Variants in SPEG observed in about 807,000 individuals in gnomAD.
The protein encoded by SPEG is striated muscle preferentially expressed protein kinase.
In SPEG, 114 loss-of-function variants were observed where a neutral mutation model predicts 300.4. That is an observed-to-expected ratio of 0.38 (90% CI 0.33 to 0.44). SPEG has a LOEUF of 0.44. SPEG is among the 20% of genes least tolerant of loss of function. The pLI is 1.00. For missense variants in SPEG, 4,201 were observed against 4,586.2 expected, an observed-to-expected ratio of 0.92 and a Z score of 2.43; for synonymous variants, 1,964 against 2,018.9, an observed-to-expected ratio of 0.97 and a Z score of 0.73.
chr2:219,435,391 C>T (rs747690984), intron 1 of SPEG, 26 bp downstream of exon 1: 1 of 1,517,536 alleles, frequency 6.6e-7, no homozygotes, highest in Non-Finnish European at 8.8e-7. Flanking sequence ...GGGCCGCGCC[C>T]GGCAGGGGCG....
chr2:219,456,806 GGCTGA>G (rs1690215990), intron 6 of SPEG, among the ~76,000 whole-genome samples: 1 of 151,838 alleles, frequency 6.6e-6, no homozygotes, highest in Non-Finnish European at 1.5e-5. Context: ...CTACTTGGGA[GGCTGA>G]GACAGGAGAA....
In SPEG at chr2:219,481,157, TC is replaced by T. The variant is rs1371649636; in HGVS notation, c.5370-145del. ...GGGGAGGGGACAGGGCAGGAGAGAG[TC>T]CGCAGCCTCACCTCTTACCCACATT... On this transcript the variant is annotated intron_variant, in intron 26 of 40. Coordinates refer to ENST00000312358, the MANE Select transcript of SPEG (RefSeq NM_005876.5). The surrounding 1 kb of genome is among the most constrained non-coding windows in gnomAD (Gnocchi z 5.4). 1.2e-6 allele frequency: 1 copy of T among 828,476 alleles called. No individual in the cohort carries two copies. Among genetic ancestry groups the T allele is most frequent in the Non-Finnish European group, 1.9e-6 (1 of 523,760 alleles). The allele number at this position is 828,476 out of a possible 1,614,324, so 51.3% of individuals were successfully genotyped here.
At chr2:219,455,286 GAC>G (rs1307005376) in intron 6 of SPEG, among the ~76,000 whole-genome samples, 1 of 152,060 alleles carries the variant, frequency 6.6e-6, no homozygotes, top group African/African-American at 2.4e-5. Flanking sequence ...TTGCTCTCTG[GAC>G]ACAGTGGCTG....
At position 219,489,523 on chromosome 2, in the gene SPEG, C is replaced by G; in HGVS notation, c.8505C>G (p.Leu2835=). Residue 2835 remains leucine (L), a synonymous_variant, in exon 36 of 41, where the codon CTC becomes CTG. Coordinates refer to ENST00000312358, the MANE Select transcript of SPEG (RefSeq NM_005876.5). Reference sequence around the variant, plus strand: ...CTCCTAGCCAGGCCTTGTCCTCGCTCAAGGCTGTGGGTCCACCACCCCAAA... The same window carrying G: ...CTCCTAGCCAGGCCTTGTCCTCGCTGAAGGCTGTGGGTCCACCACCCCAAA... ...PTPPSQALSS[L]KAVGPPPQTP... The G allele has an allele frequency of 6.2e-7, 1 of 1,613,278 alleles. No individual in the cohort carries two copies. Among genetic ancestry groups the G allele is most frequent in the South Asian group, 1.1e-5 (1 of 91,044 alleles).
At chr2:219,468,145 G>A (rs1293687790) in intron 10 of SPEG, among the ~76,000 whole-genome samples, 6 of 152,202 alleles carry the variant, frequency 3.9e-5, no homozygotes, top group African/African-American at 1.4e-4. Context: ...GGGGCCAAGG[G>A]GCATCTGCTC....
rs754382341 is a variant in SPEG at position 219,451,197 on chromosome 2, G to C, written c.2175G>C (p.Glu725Asp). 2 of 1,613,946 alleles carry C rather than the reference G, an allele frequency of 1.2e-6. No homozygotes were observed. The highest frequency in any genetic ancestry group is 1.7e-6 in the Non-Finnish European group (2 of 1,179,980). The change falls in exon 5 of 41, where the codon GAG (glutamate) becomes GAC (aspartate). Residue 725 changes from glutamate to aspartate, a missense_variant. Coordinates refer to ENST00000312358, the MANE Select transcript of SPEG (RefSeq NM_005876.5). This position sits in a 1 kb window ranked among gnomAD's most constrained non-coding sequence, Gnocchi z 6.4. ...GEEPLEAPVF[E>D]IPLQNVVVAP... The stretch of plus-strand genomic sequence containing the variant: ...AGCCCCTAGAGGCCCCTGTGTTTGA[G>C]ATCCCCCTGCAGAATGTGGTGGTGG...
At chr2:219,471,404 C>G (rs1216477065) in intron 13 of SPEG, among the ~76,000 whole-genome samples, 1 of 152,100 alleles carries the variant, frequency 6.6e-6, no homozygotes, top group Non-Finnish European at 1.5e-5. Context: ...TGGAGGGCTT[C>G]CCTGCAGCTG....
intron 1 of SPEG, among the ~76,000 whole-genome samples, chr2:219,437,109 G>A (rs1036580569): frequency 6.6e-6 from 1 of 152,222 alleles, no homozygotes; most frequent in Non-Finnish European, 1.5e-5. Context: ...AGTCTAGTTA[G>A]AGACATAGCT....
rs1343318072 is a variant in SPEG at position 219,483,777 on chromosome 2, C to T, written c.6314C>T (p.Ala2105Val). Residue 2105 changes from alanine to valine, a missense_variant, in exon 30 of 41, where the codon GCA becomes GTA. By Grantham distance (64) the Ala-to-Val change is moderately conservative. Around this residue, in one of 4 missense-constraint regions of SPEG, gnomAD observed 1,578 missense variants for 1,506.0 expected, o/e 1.05. Coordinates refer to ENST00000312358, the MANE Select transcript of SPEG (RefSeq NM_005876.5). ...GGCCGTGCTCGGGACCCCCGGATGGCACGAGCTGCCTCCAGCGAGGCAGCG... is the reference window on the plus strand; with the variant it reads ...GGCCGTGCTCGGGACCCCCGGATGGTACGAGCTGCCTCCAGCGAGGCAGCG... The part of the protein sequence containing the change: ...LGGRARDPRM[A>V]RAASSEAAPH... 6.4e-7 allele frequency: 1 copy of T among 1,555,396 alleles called. No individual in the cohort carries two copies. The highest frequency in any genetic ancestry group is 8.6e-7 in the Non-Finnish European group (1 of 1,157,900).
intron 6 of SPEG, 110 bp from the exon 7 acceptor site, chr2:219,461,772 C>T (rs1690720119): frequency 8.4e-6 from 10 of 1,196,818 alleles, no homozygotes; most frequent in East Asian, 2.4e-5. Flanking sequence ...AGGGCAGGGC[C>T]GGCCTGCGGG....
rs1469383992 is a variant in SPEG at position 219,489,652 on chromosome 2, C to T, written c.8634C>T (p.Asp2878=). The change falls in exon 36 of 41, where the codon GAC becomes GAT. Residue 2878 remains aspartate (D), a synonymous_variant. Transcript: ENST00000312358. The part of the protein sequence containing the change: ...TPSEPKPFVL[D]TGTPIPASTP... Reference sequence around the variant, plus strand: ...GTGAGCCCAAGCCTTTCGTCCTTGACACTGGGACCCCGATCCCAGCCTCCA... The same window carrying T: ...GTGAGCCCAAGCCTTTCGTCCTTGATACTGGGACCCCGATCCCAGCCTCCA... 3 of 1,614,018 alleles carry T rather than the reference C, an allele frequency of 1.9e-6. No homozygotes were observed.
At position 219,493,485 on chromosome 2, in the gene SPEG, T is replaced by C. The variant is rs1694148280; in HGVS notation, c.*699T>C. 4.4e-6 allele frequency: 2 copies of C among 450,254 alleles called. No homozygotes were observed. The highest frequency in any genetic ancestry group is 2.4e-5 in the Admixed American group (1 of 42,386). 27.9% of individuals were successfully genotyped at this position (450,254 alleles called of 1,614,324 possible). A position where few individuals can be genotyped will look rare whatever the true frequency, so the allele number is the denominator to read the frequency against. On this transcript the variant is annotated 3_prime_UTR_variant, in exon 41 of 41. Coordinates refer to ENST00000312358, the MANE Select transcript of SPEG (RefSeq NM_005876.5). ...TGCCCCTCCATGGCCTCTGGCCTTC[T>C]TCCCATTCATATTTATTTATTTATT...
chr2:219,447,237 CAG>C (rs1689371550), intron 3 of SPEG, among the ~76,000 whole-genome samples: 3 of 151,158 alleles, frequency 2.0e-5, no homozygotes, highest in African/African-American at 7.3e-5. Context: ...CTGTACTTCT[CAG>C]GGGGGATTTC....
At chr2:219,462,110 G>A in intron 7 of SPEG, 53 bp downstream of exon 7, 1 of 1,426,174 alleles carries the variant, frequency 7.0e-7, no homozygotes. Flanking sequence ...GTTCCTTTGG[G>A]TGCCCCCTTG....
At position 219,448,706 on chromosome 2, in the gene SPEG, C is replaced by G; in HGVS notation, c.1548C>G (p.Ser516=). The change falls in exon 4 of 41, where the codon TCC becomes TCG. Residue 516 remains serine (S), a synonymous_variant. Coordinates refer to ENST00000312358, the MANE Select transcript of SPEG (RefSeq NM_005876.5). The part of the protein sequence containing the change: ...SREELVRSHE[S]LRATLQRAPS... The stretch of plus-strand genomic sequence containing the variant: ...AGGAGCTGGTGCGCTCGCACGAGTC[C>G]CTGCGCGCCACGCTGCAGCGTGCCC... 6.7e-7 allele frequency: 1 copy of G among 1,493,642 alleles called. No individual in the cohort carries two copies. The highest frequency in any genetic ancestry group is 8.9e-7 in the Non-Finnish European group (1 of 1,129,670). 92.5% of individuals were successfully genotyped at this position (1,493,642 alleles called of 1,614,324 possible).
chr2:219,438,175 C>A (rs371203242), intron 1 of SPEG, among the ~76,000 whole-genome samples: 6 of 151,970 alleles, frequency 3.9e-5, no homozygotes, highest in Admixed American at 1.3e-4. Flanking sequence ...AGGGAAGAAT[C>A]GGAAACAAAG....
intron 31 of SPEG, among the ~76,000 whole-genome samples, chr2:219,487,197 A>T (rs1693516117): frequency 1.3e-5 from 2 of 151,682 alleles, no homozygotes; most frequent in East Asian, 3.9e-4. Flanking sequence ...TCCTCAGGGC[A>T]CTAAAGAGGC....
chr2:219,488,316 G>C lies in SPEG; in HGVS notation c.7858+6G>C. ...GCACATCTCCTGGATGAAAGGTAAG[G>C]AGACTCTGTCTCCCACAGAGAGGGA... On this transcript the variant is annotated splice_donor_region_variant and intron_variant, in intron 32 of 40. Transcript: ENST00000312358. 4 of 1,602,286 alleles carry C rather than the reference G, an allele frequency of 2.5e-6. No individual in the cohort carries two copies. Among genetic ancestry groups the C allele is most frequent in the African/African-American group, 1.3e-5 (1 of 74,720 alleles).
At chr2:219,441,453 T>C in intron 1 of SPEG, 1 of 465,012 alleles carries the variant, frequency 2.2e-6, no homozygotes, top group Admixed American at 2.4e-5. Context: ...ACCCTTGCCC[T>C]GCGTTTGACC....
Sources: allele counts gnomAD v4.1 joint callset (sites outside exome capture counted in the v4.1 genomes callset), GRCh38; gene constraint gnomAD v4.1.1; regional missense constraint gnomAD v4.1.1; non-coding constraint Gnocchi (gnomAD v3.1); transcripts MANE v1.5; gene names NCBI Gene and HGNC (gene_info 2026-07-23, HGNC 2026-07-21).